Variants in UTRN observed in about 807,000 individuals in gnomAD.
UTRN encodes dystrophin-related protein 1.
A neutral mutation model predicts 463.9 loss-of-function variants in UTRN; 283 were observed. The ratio of observed to expected loss-of-function variants is 0.61; its 90% confidence interval spans 0.55 to 0.67. UTRN has a LOEUF of 0.67. Among genes scored for constraint, UTRN ranks in the 30% least tolerant of loss-of-function variants. UTRN has a pLI of 0.00. For synonymous variants in UTRN, 1,442 were observed against 1,431.5 expected (o/e 1.01, Z -0.17); for missense variants, 3,922 against 4,084.3 (o/e 0.96, Z 1.08).
chr6:144,698,692 A>G (rs1386332048), intron 52 of UTRN, among the ~76,000 whole-genome samples: 6 of 152,242 alleles, frequency 3.9e-5, no homozygotes, highest in Non-Finnish European at 8.8e-5. Flanking sequence ...CTGAGGCTGG[A>G]TAAGTGGGCT....
intron 45 of UTRN, 37 bp downstream of exon 45, chr6:144,539,480 T>A: frequency 2.6e-6 from 4 of 1,540,936 alleles, no homozygotes; most frequent in Non-Finnish European, 3.5e-6. Context: ...TTCTCATATT[T>A]ATTGATTTTG....
intron 51 of UTRN, among the ~76,000 whole-genome samples, chr6:144,577,546 C>T (rs1801558545): frequency 6.6e-6 from 1 of 152,072 alleles, no homozygotes; most frequent in Admixed American, 6.6e-5. Flanking sequence ...AGCTATTCTG[C>T]TTTTTGTCAT....
intron 44 of UTRN, among the ~76,000 whole-genome samples, chr6:144,538,990 AG>A (rs1265951298): frequency 6.6e-6 from 1 of 152,194 alleles, no homozygotes; most frequent in African/African-American, 2.4e-5. Context: ...AGTAGCAAGG[AG>A]GAGATAAGAA....
At chr6:144,304,173 G>T (rs1805516561) in intron 2 of UTRN, among the ~76,000 whole-genome samples, 1 of 152,180 alleles carries the variant, frequency 6.6e-6, no homozygotes, top group African/African-American at 2.4e-5. Flanking sequence ...TTTACATTCA[G>T]TGGATAACTA....
intron 2 of UTRN, among the ~76,000 whole-genome samples, chr6:144,326,044 A>G (rs1470637687): frequency 6.6e-6 from 1 of 152,194 alleles, no homozygotes; most frequent in Non-Finnish European, 1.5e-5. Flanking sequence ...TAAGCATAGT[A>G]TTTAGAAATG....
At chr6:144,348,053 C>T (rs989251980) in intron 2 of UTRN, among the ~76,000 whole-genome samples, 1 of 151,932 alleles carries the variant, frequency 6.6e-6, no homozygotes, top group African/African-American at 2.4e-5. Flanking sequence ...CACTATGTTG[C>T]CCAGGCTGGT....
chr6:144,313,633 C>T (rs1775085867), intron 2 of UTRN, among the ~76,000 whole-genome samples: 1 of 152,370 alleles, frequency 6.6e-6, no homozygotes, highest in African/African-American at 2.4e-5. Context: ...CTCTTCCCCA[C>T]TTGCAAACAG....
chr6:144,584,832 ATGTGT>A lies in UTRN; in HGVS notation c.7479+7551_7479+7555del, dbSNP rs750968412. ...AAGATTTGTAAACCTAGTTATTTCA[ATGTGT>A]TGTGTTTTGCTCTACTTCAGTGGAT... On this transcript the variant is annotated intron_variant, in intron 51 of 74. Coordinates refer to ENST00000367545, the MANE Select transcript of UTRN (RefSeq NM_007124.3). Among the ~76,000 whole-genome samples, 121 of 152,166 alleles carry A rather than the reference ATGTGT, an allele frequency of 8.0e-4. 1 individual carries two copies. The highest frequency in any genetic ancestry group is 1.4e-3 in the Non-Finnish European group (95 of 67,982).
intron 43 of UTRN, among the ~76,000 whole-genome samples, 183 bp from the exon 44 acceptor site, chr6:144,537,399 A>T (rs910193530): frequency 6.6e-6 from 1 of 151,948 alleles, no homozygotes; most frequent in Admixed American, 6.6e-5. Flanking sequence ...TTCTTGGTCT[A>T]TTATTAAGCA....
chr6:144,542,677 G>T, intron 45 of UTRN, 118 bp from the exon 46 acceptor site: 1 of 986,796 alleles, frequency 1.0e-6, no homozygotes, highest in South Asian at 1.7e-5. Context: ...CAGAAGTTTA[G>T]GTCGTTAGGG....
At position 144,429,530 on chromosome 6, in the gene UTRN, C is replaced by T. The variant is rs766122601; in HGVS notation, c.695-51C>T. The T allele has an allele frequency of 5.3e-6, 8 of 1,515,658 alleles. No homozygotes were observed. The East Asian group carries it at 1.1e-4, about 22-fold the overall frequency. The allele number at this position is 1,515,658 out of a possible 1,614,324, so 93.9% of individuals were successfully genotyped here. A position where few individuals can be genotyped will look rare whatever the true frequency, so the allele number is the denominator to read the frequency against. ...TTTATATCTAATATTGAGCAATTCA[C>T]ATATTTTGGACACCTAATTTAAGCT... On this transcript the variant is annotated intron_variant, in intron 8 of 74. Coordinates refer to ENST00000367545, the MANE Select transcript of UTRN (RefSeq NM_007124.3).
intron 42 of UTRN, among the ~76,000 whole-genome samples, chr6:144,531,644 G>T (rs1797069541): frequency 6.6e-6 from 1 of 152,140 alleles, no homozygotes; most frequent in African/African-American, 2.4e-5. Context: ...AGCTGCTCAT[G>T]TAAGTCTAAT....
At position 144,548,686 on chromosome 6, in the gene UTRN, T is replaced by A. The variant is rs1282038868; in HGVS notation, c.6642T>A (p.Asp2214Glu). The part of the protein sequence containing the change: ...QKVVLVSSAS[D>E]IPVQSHRTSE... ...TGGTGCTAGTATCATCTGCGTCAGA[T>A]ATTCCTGTTCAGTCTCATCGTACTT... The change falls in exon 47 of 75, where the codon GAT becomes GAA. Residue 2214 changes from aspartate (D) to glutamate (E), a missense_variant. Physicochemically the swap from Asp to Glu is conservative, Grantham distance 45. This residue lies in a region of UTRN where 2,349 missense variants were observed against 2,303.8 expected (regional missense o/e 1.02). Coordinates refer to ENST00000367545, the MANE Select transcript of UTRN (RefSeq NM_007124.3). 1.2e-6 allele frequency: 2 copies of A among 1,614,070 alleles called. No individual in the cohort carries two copies.
intron 51 of UTRN, among the ~76,000 whole-genome samples, chr6:144,635,527 T>TG (rs1777060033): frequency 1.3e-5 from 1 of 76,500 alleles, no homozygotes; most frequent in African/African-American, 5.4e-5. Context: ...TTTTTTTTTT[T>TG]TTCTTTTCTT....
chr6:144,408,658 C>T (rs1407699886), intron 3 of UTRN, among the ~76,000 whole-genome samples: 1 of 152,186 alleles, frequency 6.6e-6, no homozygotes, highest in African/African-American at 2.4e-5. Context: ...AGAGGAAAGC[C>T]ATGAAGCATT....
At chr6:144,386,137 A>G (rs1048342419) in intron 2 of UTRN, among the ~76,000 whole-genome samples, 2 of 152,002 alleles carry the variant, frequency 1.3e-5, no homozygotes, top group South Asian at 2.1e-4. Flanking sequence ...CCCTCATCCA[A>G]CCCTACCTGA....
intron 58 of UTRN, among the ~76,000 whole-genome samples, chr6:144,764,316 T>G (rs2128729113): frequency 6.6e-6 from 1 of 152,336 alleles, no homozygotes; most frequent in Admixed American, 6.5e-5. Context: ...TCTTATGTAT[T>G]ACTGGTGTCC....
intron 2 of UTRN, among the ~76,000 whole-genome samples, chr6:144,391,630 C>A (rs1781935740): frequency 6.6e-6 from 1 of 152,098 alleles, no homozygotes; most frequent in Non-Finnish European, 1.5e-5. Flanking sequence ...AGTTGGTAAG[C>A]TGCAGCTCTG....
chr6:144,553,692 A>G (rs1048007501), intron 48 of UTRN, among the ~76,000 whole-genome samples: 2 of 152,108 alleles, frequency 1.3e-5, no homozygotes, highest in African/African-American at 4.8e-5. Flanking sequence ...CGAGGCAGAC[A>G]GATCACGAGG....
Sources: allele counts gnomAD v4.1 joint callset (sites outside exome capture counted in the v4.1 genomes callset), GRCh38; gene constraint gnomAD v4.1.1; regional missense constraint gnomAD v4.1.1; transcripts MANE v1.5; gene names NCBI Gene and HGNC (gene_info 2026-07-23, HGNC 2026-07-21).